The following CPNE4 variants were observed in gnomAD, a reference collection of about 807,000 sequenced individuals.
CPNE4 encodes copine-4.
Under a neutral mutation model 67.9 loss-of-function variants are expected in CPNE4, and 25 were observed. That is an observed-to-expected ratio of 0.37 (90% CI 0.27 to 0.51). The LOEUF (loss-of-function observed/expected upper bound fraction) is 0.51. Ranked by LOEUF, CPNE4 falls within the 20% of genes least tolerant of loss-of-function variation. The pLI, the probability that CPNE4 is intolerant of heterozygous loss-of-function variation, is 0.93. For synonymous variants in CPNE4, 242 were observed against 244.9 expected (o/e 0.99, Z 0.11); for missense variants, 464 against 690.8 (o/e 0.67, Z 3.68).
chr3:131,888,265 A>G (rs533417734), intron 2 of CPNE4, among the ~76,000 whole-genome samples: 1 of 152,212 alleles, frequency 6.6e-6, no homozygotes, highest in Non-Finnish European at 1.5e-5. Flanking sequence ...ATGCTCCCCA[A>G]TTACAAATCC....
chr3:132,016,226 G>A (rs1920011), intron 1 of CPNE4, among the ~76,000 whole-genome samples: 139,889 of 152,226 alleles, frequency 0.92, 64,503 homozygotes, highest in African/African-American at 0.95. Flanking sequence ...AATTCCAAAC[G>A]AAATTCTTGA....
chr3:132,024,316 T>G (rs2074068953), intron 1 of CPNE4, among the ~76,000 whole-genome samples: 1 of 152,116 alleles, frequency 6.6e-6, no homozygotes, highest in Non-Finnish European at 1.5e-5. Flanking sequence ...ACTCCTGACC[T>G]CAAGTGATCT....
intron 1 of CPNE4, among the ~76,000 whole-genome samples, chr3:131,952,003 A>T (rs1053258884): frequency 1.3e-5 from 2 of 151,900 alleles, no homozygotes; most frequent in Admixed American, 1.3e-4. Context: ...GGAAGTGAGG[A>T]GCGTCTCTGC....
At chr3:131,686,337 A>G (rs1311625761) in intron 5 of CPNE4, among the ~76,000 whole-genome samples, 1 of 152,268 alleles carries the variant, frequency 6.6e-6, no homozygotes, top group Non-Finnish European at 1.5e-5. Context: ...CAGGTTCATT[A>G]TAGTTATTTT....
intron 1 of CPNE4, among the ~76,000 whole-genome samples, chr3:131,952,664 AG>A (rs2071796613): frequency 6.8e-6 from 1 of 147,556 alleles, no homozygotes; most frequent in Non-Finnish European, 1.5e-5. Flanking sequence ...CTGGGAGGTG[AG>A]GGGCGCCTCT....
intron 2 of CPNE4, among the ~76,000 whole-genome samples, chr3:131,758,423 T>C (rs923873396): frequency 2.6e-5 from 4 of 152,180 alleles, no homozygotes; most frequent in African/African-American, 9.7e-5. Context: ...TTGGCCAATT[T>C]CTCCCATTTG....
chr3:131,969,156 T>C (rs1181278178), intron 1 of CPNE4, among the ~76,000 whole-genome samples: 1 of 151,826 alleles, frequency 6.6e-6, no homozygotes, highest in Non-Finnish European at 1.5e-5. Flanking sequence ...AGTTGAACAA[T>C]GAGAACACAT....
In CPNE4 at chr3:131,665,692, AG is replaced by A. The variant is rs1406305609; in HGVS notation, c.681+3982del. Among the ~76,000 whole-genome samples the A allele has an allele frequency of 2.7e-3, 295 of 110,988 alleles. 5 individuals carry two copies. Among genetic ancestry groups the A allele is most frequent in the South Asian group, 0.026 (89 of 3,380 alleles). The allele number at this position is 110,988 out of a possible 152,430, so 72.8% of individuals were successfully genotyped here. A position where few individuals can be genotyped will look rare whatever the true frequency, so the allele number is the denominator to read the frequency against. On this transcript the variant is annotated intron_variant, in intron 7 of 15. Coordinates refer to ENST00000429747, the MANE Select transcript of CPNE4 (RefSeq NM_130808.3). ...ACAAACAAACAAACAAACAAAAAAC[AG>A]AAAGAAAAGAGAAAAAGAAAAAAAG... is the stretch of plus-strand genomic sequence containing the variant.
chr3:131,911,154 T>C (rs543722713), intron 1 of CPNE4, among the ~76,000 whole-genome samples: 3 of 152,264 alleles, frequency 2.0e-5, no homozygotes, highest in African/African-American at 7.2e-5. Flanking sequence ...ACCATCTTGA[T>C]AAGAGACTCT....
intron 2 of CPNE4, among the ~76,000 whole-genome samples, chr3:131,801,416 G>GAGTGTA (rs2084114844): frequency 3.4e-5 from 1 of 29,064 alleles, no homozygotes; most frequent in Non-Finnish European, 7.4e-5. Context: ...ACATATATAC[G>GAGTGTA]TGTGTGTGTG....
chr3:131,873,971 C>T (rs1423318215), intron 2 of CPNE4, among the ~76,000 whole-genome samples: 2 of 152,200 alleles, frequency 1.3e-5, no homozygotes, highest in Non-Finnish European at 2.9e-5. Flanking sequence ...ATGATTCAAC[C>T]TCCACAGTAA....
At chr3:131,862,067 A>G (rs748850506) in intron 2 of CPNE4, among the ~76,000 whole-genome samples, 21 of 151,678 alleles carry the variant, frequency 1.4e-4, no homozygotes, top group Non-Finnish European at 2.8e-4. Flanking sequence ...TTTCTTTGCA[A>G]TTTTTTTTTA....
At chr3:131,935,887 G>A (rs925241380) in intron 1 of CPNE4, among the ~76,000 whole-genome samples, 1 of 151,944 alleles carries the variant, frequency 6.6e-6, no homozygotes, top group Admixed American at 6.6e-5. Context: ...GCAGTGAATG[G>A]GGTCTTTATA....
At chr3:131,933,005 T>C (rs2071116585) in intron 1 of CPNE4, among the ~76,000 whole-genome samples, 1 of 152,096 alleles carries the variant, frequency 6.6e-6, no homozygotes, top group Non-Finnish European at 1.5e-5. Context: ...CGAGACTCTA[T>C]CTCAAAGAAA....
At chr3:131,713,637 T>C (rs1237807353) in intron 3 of CPNE4, among the ~76,000 whole-genome samples, 1 of 152,084 alleles carries the variant, frequency 6.6e-6, no homozygotes, top group African/African-American at 2.4e-5. Flanking sequence ...CCCAAGGCCA[T>C]ACAGAGAGTT....
At chr3:131,930,421 C>CA (rs1429152673) in intron 1 of CPNE4, among the ~76,000 whole-genome samples, 1 of 150,002 alleles carries the variant, frequency 6.7e-6, no homozygotes, top group Non-Finnish European at 1.5e-5. Context: ...TTCTTTCTTC[C>CA]AATCTTCTAG....
intron 7 of CPNE4, among the ~76,000 whole-genome samples, chr3:131,618,376 C>G (rs556082183): frequency 1.3e-5 from 2 of 152,176 alleles, no homozygotes; most frequent in East Asian, 3.9e-4. Context: ...ATCACCTCAC[C>G]AACTTATGAC....
chr3:131,891,669 G>C (rs2088122195), intron 2 of CPNE4, among the ~76,000 whole-genome samples: 1 of 152,064 alleles, frequency 6.6e-6, no homozygotes, highest in South Asian at 2.1e-4. Context: ...GTGAGAACAG[G>C]TGGTATTTGG....
chr3:131,629,247 G>C (rs1314165495), intron 7 of CPNE4, among the ~76,000 whole-genome samples: 1 of 152,116 alleles, frequency 6.6e-6, no homozygotes, highest in Non-Finnish European at 1.5e-5. Context: ...GGAATTCTGG[G>C]AGATACAATT....
Sources: gnomAD v4.1 joint callset for allele counts (sites outside exome capture counted in the v4.1 genomes callset) on GRCh38, gnomAD v4.1.1 for gene constraint, MANE v1.5 for transcripts, NCBI Gene and HGNC (gene_info 2026-07-23, HGNC 2026-07-21) for gene names.